The following CDH18 variants were observed in gnomAD, a reference collection of about 807,000 sequenced individuals.
CDH18 encodes cadherin 18, also known as cadherin-18.
Under a neutral mutation model 67.9 loss-of-function variants are expected in CDH18, and 31 were observed. The observed-to-expected ratio is 0.46, with a 90% CI of 0.34 to 0.62. CDH18 has a LOEUF of 0.62. Ranked by LOEUF, CDH18 falls within the 20% of genes least tolerant of loss-of-function variation. The pLI is 0.01. For synonymous variants in CDH18, 362 were observed against 347.2 expected (o/e 1.04, Z -0.48); for missense variants, 890 against 975.5 (o/e 0.91, Z 1.17).
intron 9 of CDH18, among the ~76,000 whole-genome samples, chr5:19,531,396 C>A (rs1748591508): frequency 6.6e-6 from 1 of 151,850 alleles, no homozygotes; most frequent in Non-Finnish European, 1.5e-5. Flanking sequence ...AAATAAAAAC[C>A]ACAATAAGAT....
rs538595852 is a variant in CDH18, at chr5:19,586,289, G to A, written c.999+4768C>T. 7.2e-5 allele frequency among the ~76,000 whole-genome samples: 11 copies of A among 151,944 alleles called. No individual in the cohort carries two copies. The East Asian group carries it at 1.5e-3, about 21-fold the overall frequency. ...TAAACATGTGCCATGGTGGTCTGCCGCACAGATTAACCCATCACCTAGGTA... is the reference window on the plus strand; with the variant it reads ...TAAACATGTGCCATGGTGGTCTGCCACACAGATTAACCCATCACCTAGGTA... On this transcript the variant is annotated intron_variant, in intron 7 of 12. Coordinates refer to ENST00000382275, the MANE Select transcript of CDH18 (RefSeq NM_004934.5).
At chr5:19,879,912 G>T (rs1787437066) in intron 2 of CDH18, among the ~76,000 whole-genome samples, 1 of 151,850 alleles carries the variant, frequency 6.6e-6, no homozygotes, top group South Asian at 2.1e-4. Context: ...TCTTTTAAAG[G>T]TGACTTAATG....
At chr5:20,340,746 C>G (rs916048419) in intron 1 of CDH18, among the ~76,000 whole-genome samples, 2 of 152,142 alleles carry the variant, frequency 1.3e-5, no homozygotes, top group Non-Finnish European at 1.5e-5. Flanking sequence ...CTGGAGTGAG[C>G]CTTTCTGATC....
rs1033581345 is a variant in CDH18, at chr5:19,852,448, C to A, written c.-256-13206G>T. ...TCATTGTTTACTTTTGGGGAGGGCA[C>A]CCAGACATTTGTGAAGCATTCGCTT... On this transcript the variant is annotated intron_variant, in intron 2 of 12. Transcript: ENST00000382275. Among the ~76,000 whole-genome samples, 6 of 151,870 alleles carry A rather than the reference C, an allele frequency of 4.0e-5. No individual in the cohort carries two copies. The East Asian group carries it at 1.2e-3, about 29-fold the overall frequency.
chr5:20,465,536 T>A (rs186527516), intron 1 of CDH18, among the ~76,000 whole-genome samples: 1 of 152,080 alleles, frequency 6.6e-6, no homozygotes, highest in East Asian at 1.9e-4. Context: ...AAAATTTGTA[T>A]GTTAAATAAC....
rs189459933 is a variant in CDH18, at chr5:20,273,170, A to G, written c.-579-17665T>C. Among the ~76,000 whole-genome samples, 338 of 152,230 alleles carry G rather than the reference A, an allele frequency of 2.2e-3. 3 individuals carry two copies. The highest frequency in any genetic ancestry group is 7.6e-3 in the African/African-American group (316 of 41,578). ...AAAACATTTTTTGTTTTGTAAAAAC[A>G]AAATAAAGCTCAATGCATTATTTAG... On this transcript the variant is annotated intron_variant, in intron 1 of 14. Coordinates refer to the CDH18 transcript ENST00000507958.
At chr5:19,944,899 T>C (rs968290014) in intron 2 of CDH18, among the ~76,000 whole-genome samples, 2 of 152,120 alleles carry the variant, frequency 1.3e-5, no homozygotes, top group Non-Finnish European at 2.9e-5. Flanking sequence ...GGGTTTTCTG[T>C]TCATTTACCA....
At chr5:19,671,274 ATTAT>A (rs1758719058) in intron 5 of CDH18, among the ~76,000 whole-genome samples, 1 of 152,138 alleles carries the variant, frequency 6.6e-6, no homozygotes, top group African/African-American at 2.4e-5. Context: ...CCAATCTAAG[ATTAT>A]TTAAATAGAA....
intron 2 of CDH18, among the ~76,000 whole-genome samples, chr5:20,033,793 C>T (rs1739607598): frequency 6.6e-6 from 1 of 151,898 alleles, no homozygotes; most frequent in South Asian, 2.1e-4. Flanking sequence ...AATAAAAATA[C>T]AGTAGTTATG....
chr5:19,477,546 A>C (rs1384472151), intron 12 of CDH18, among the ~76,000 whole-genome samples: 1 of 152,156 alleles, frequency 6.6e-6, no homozygotes, highest in East Asian at 1.9e-4. Context: ...TCCTAATTGT[A>C]CTGGAGAATA....
At chr5:19,995,346 AT>A (rs1355006200) in intron 2 of CDH18, among the ~76,000 whole-genome samples, 1 of 152,132 alleles carries the variant, frequency 6.6e-6, no homozygotes, top group Admixed American at 6.5e-5. Flanking sequence ...TTGTTTTTTT[AT>A]CATTATATAT....
intron 2 of CDH18, among the ~76,000 whole-genome samples, chr5:19,927,716 T>C (rs1259276354): frequency 4.6e-5 from 7 of 152,124 alleles, no homozygotes; most frequent in Non-Finnish European, 7.4e-5. Context: ...TTTCATTTCT[T>C]AAAGAAAAAA....
At chr5:20,418,218 G>T (rs1747495156) in intron 1 of CDH18, among the ~76,000 whole-genome samples, 1 of 137,660 alleles carries the variant, frequency 7.3e-6, no homozygotes, top group Non-Finnish European at 1.5e-5. Flanking sequence ...AGGGATTACA[G>T]GTGTCTGCCA....
intron 3 of CDH18, among the ~76,000 whole-genome samples, chr5:19,811,903 G>A (rs1258829206): frequency 6.6e-6 from 1 of 152,044 alleles, no homozygotes; most frequent in Non-Finnish European, 1.5e-5. Flanking sequence ...AATCAGTAAA[G>A]GTTCTACATA....
chr5:19,685,708 C>T (rs1264451294), intron 5 of CDH18, among the ~76,000 whole-genome samples: 1 of 152,162 alleles, frequency 6.6e-6, no homozygotes, highest in Non-Finnish European at 1.5e-5. Context: ...TACTCCAGCT[C>T]TCTCTTACAT....
chr5:19,723,782 C>T (rs1766438198), intron 4 of CDH18, among the ~76,000 whole-genome samples: 1 of 152,046 alleles, frequency 6.6e-6, no homozygotes, highest in African/African-American at 2.4e-5. Context: ...GGCGCCATCT[C>T]GGCTCACTGC....
At chr5:19,653,291 C>CT (rs1431668518) in intron 5 of CDH18, among the ~76,000 whole-genome samples, 4 of 151,832 alleles carry the variant, frequency 2.6e-5, no homozygotes, top group Non-Finnish European at 5.9e-5. Flanking sequence ...GAGCTTGAGT[C>CT]TTTTTTTTCT....
intron 4 of CDH18, among the ~76,000 whole-genome samples, chr5:19,740,475 A>G (rs1768962090): frequency 1.3e-5 from 2 of 152,142 alleles, no homozygotes; most frequent in African/African-American, 4.8e-5. Flanking sequence ...AATTGCAGAA[A>G]TTTGAGAATG....
At chr5:20,054,854 C>A (rs1235621342) in intron 2 of CDH18, among the ~76,000 whole-genome samples, 6 of 152,084 alleles carry the variant, frequency 3.9e-5, no homozygotes, top group Admixed American at 3.9e-4. Flanking sequence ...GTATTTAGCT[C>A]AATCCAGTCT....
Sources: allele counts gnomAD v4.1 joint callset (sites outside exome capture counted in the v4.1 genomes callset), GRCh38; gene constraint gnomAD v4.1.1; transcripts MANE v1.5; gene names NCBI Gene and HGNC (gene_info 2026-07-23, HGNC 2026-07-21).